Variants in TPM1 observed in about 807,000 individuals in gnomAD.
The protein encoded by TPM1 is tropomyosin alpha-1 chain.
In TPM1, 24 loss-of-function variants were observed where a neutral mutation model predicts 42.9. That is an observed-to-expected ratio of 0.56 (90% CI 0.41 to 0.79). The LOEUF (loss-of-function observed/expected upper bound fraction) is 0.79. TPM1 is among the 30% of genes least tolerant of loss of function. The probability of loss-of-function intolerance (pLI) is 0.00; values close to 1 mark genes in which losing one functional copy is unlikely to be tolerated. For synonymous variants in TPM1, 136 were observed against 130.1 expected (o/e 1.05, Z -0.31); for missense variants, 158 against 351.8 (o/e 0.45, Z 4.41).
chr15:63,070,709 C>G (rs2036559938), downstream of TPM1: 19 of 1,047,258 alleles, frequency 1.8e-5, no homozygotes, highest in Non-Finnish European at 2.2e-5. Flanking sequence ...CTGCCTGTAC[C>G]TTGGAAATGT....
At position 63,059,898 on chromosome 15, in the gene TPM1, G is replaced by A. The variant is rs75095143; in HGVS notation, c.492+218G>A. 5.7e-3 allele frequency: 2,224 copies of A among 392,944 alleles called. 50 individuals are homozygous for A. The highest frequency in any genetic ancestry group is 0.04 in the African/African-American group (1,910 of 48,166). 24.3% of individuals were successfully genotyped at this position (392,944 alleles called of 1,614,324 possible). On this transcript the variant is annotated intron_variant, in intron 4 of 9. Transcript: ENST00000403994. ...TATCAGGAAGCCAATCAGTAGCACT[G>A]CGAAGAAGGACCAAAACTCCTCTCC...
rs747319693 is a variant in TPM1, at chr15:63,062,183, C to T, written c.640-32C>T. ...AAGCCATGAGTAGATTGAGCTGCAG[C>T]CTGACATCTGGAATGCTCTTTCTAA... On this transcript the variant is annotated intron_variant, in intron 6 of 9. Transcript: ENST00000403994. 17 of 1,602,224 alleles carry T rather than the reference C, an allele frequency of 1.1e-5. No homozygotes were observed. In the Admixed American group the frequency reaches 1.8e-4, roughly 17 times the overall value.
At chr15:63,048,823 A>G in intron 2 of TPM1, 2 of 1,405,840 alleles carry the variant, frequency 1.4e-6, no homozygotes, top group Non-Finnish European at 1.9e-6. Context: ...CCACGCCTCC[A>G]GGGCGCACCT....
At chr15:63,052,562 A>C (rs1370058178) in intron 2 of TPM1, among the ~76,000 whole-genome samples, 3 of 152,056 alleles carry the variant, frequency 2.0e-5, no homozygotes, top group African/African-American at 7.2e-5. Flanking sequence ...AACTCAGTAC[A>C]CTAAGAGTGA....
At chr15:63,050,722 G>T (rs904372693) in intron 2 of TPM1, among the ~76,000 whole-genome samples, 16 of 152,222 alleles carry the variant, frequency 1.1e-4, no homozygotes, top group Non-Finnish European at 1.8e-4. Flanking sequence ...GACTGGATCA[G>T]ACCATTGAAG....
At chr15:63,064,690 G>T in intron 9 of TPM1, 7 of 992,566 alleles carry the variant, frequency 7.1e-6, no homozygotes, top group Non-Finnish European at 8.4e-6. Context: ...AGTAGGCCGG[G>T]CACAGTGGCT....
chr15:63,063,983 C>G, intron 8 of TPM1, 81 bp from the exon 9 acceptor site: 1 of 1,575,354 alleles, frequency 6.3e-7, no homozygotes, highest in Non-Finnish European at 8.6e-7. Context: ...TGGGATGGTG[C>G]GCGCACCACC....
chr15:63,053,690 TTTG>T (rs138123255), intron 2 of TPM1, among the ~76,000 whole-genome samples: 59,576 of 122,456 alleles, frequency 0.49, 13,499 homozygotes, highest in East Asian at 0.62. Context: ...TTTTTTTTTT[TTTG>T]TTTTTGAGAC....
downstream of TPM1, chr15:63,069,950 G>C (rs755864491): frequency 1.9e-6 from 3 of 1,613,968 alleles, no homozygotes; most frequent in South Asian, 2.2e-5. Flanking sequence ...TTAAACTTAA[G>C]AGTGAAAAAA....
At chr15:63,046,033 A>T (rs375861379) in intron 2 of TPM1, 35 of 152,232 alleles carry the variant, frequency 2.3e-4, no homozygotes, top group Admixed American at 9.2e-4. Flanking sequence ...ATAAGGTCTG[A>T]GACATGTGTC....
rs532254032 is a variant in TPM1, at chr15:63,061,702, G to A, written c.564-11G>A. On this transcript the variant is annotated splice_polypyrimidine_tract_variant and intron_variant, in intron 5 of 9. Transcript: ENST00000403994. ...TCTCCCACCCTTTCTGCCTCTGATC[G>A]AAAACATTAGCAAATGTGCCGAGCT... 275 of 1,613,430 alleles carry A rather than the reference G, an allele frequency of 1.7e-4. 4 individuals are homozygous for A. In the South Asian group the frequency reaches 2.6e-3, roughly 15 times the overall value.
chr15:63,065,760 C>A, intron 9 of TPM1, 136 bp from the exon 10 acceptor site: 1 of 1,378,528 alleles, frequency 7.3e-7, no homozygotes, highest in Non-Finnish European at 9.8e-7. Flanking sequence ...AAGGGTGTGG[C>A]TGGCAGTGGG....
At chr15:63,045,121 A>G (rs1264956926) in intron 2 of TPM1, 1 of 152,168 alleles carries the variant, frequency 6.6e-6, no homozygotes, top group Non-Finnish European at 1.5e-5. Flanking sequence ...ATGTGTGAGC[A>G]CCAGGGAAAG....
At chr15:63,071,520 G>A (rs1166496053) in exon 9 of TPM1, 1 of 353,062 alleles carries the variant, frequency 2.8e-6, no homozygotes, top group African/African-American at 2.1e-5. Flanking sequence ...AACACAATCA[G>A]GTGTGGATTG....
chr15:63,058,483 G>T lies in TPM1; in HGVS notation c.375-1080G>T, dbSNP rs531783813. Among the ~76,000 whole-genome samples the T allele has an allele frequency of 2.0e-5, 3 of 152,270 alleles. No individual in the cohort carries two copies. In the South Asian group the frequency reaches 6.2e-4, roughly 32 times the overall value. The stretch of plus-strand genomic sequence containing the variant: ...GCACTTTAGGGGGCCGAGGCGGGCA[G>T]ATCACTTGAGGCCAGGGATTCGAGA... On this transcript the variant is annotated intron_variant, in intron 3 of 9. Transcript: ENST00000403994.
chr15:63,071,515 A>G (rs1417900245), exon 9 of TPM1: 1 of 358,068 alleles, frequency 2.8e-6, no homozygotes, highest in Non-Finnish European at 5.4e-6. Flanking sequence ...TTGGAAACAC[A>G]ATCAGGTGTG....
downstream of TPM1, chr15:63,070,981 AATC>A: frequency 6.3e-7 from 1 of 1,576,342 alleles, no homozygotes; most frequent in Non-Finnish European, 8.6e-7. Flanking sequence ...GCCTAGTTCT[AATC>A]ATCTCATCCT....
At chr15:63,065,326 T>C (rs1012854525) in intron 9 of TPM1, 170 of 991,268 alleles carry the variant, frequency 1.7e-4, no homozygotes, top group East Asian at 1.1e-4. Context: ...CTGAATTCCA[T>C]TGAAGCTGGA....
At chr15:63,042,982 C>A (rs944793284) in intron 1 of TPM1, 39 bp downstream of exon 1, 1 of 1,544,898 alleles carries the variant, frequency 6.5e-7, no homozygotes, top group Non-Finnish European at 8.8e-7. Flanking sequence ...GCCCAGAGCG[C>A]CGGGACTCGA....
Sources: gnomAD v4.1 joint callset for allele counts (sites outside exome capture counted in the v4.1 genomes callset) on GRCh38, gnomAD v4.1.1 for gene constraint, MANE v1.5 for transcripts, NCBI Gene and HGNC (gene_info 2026-07-23, HGNC 2026-07-21) for gene names.